Variants in CLTCL1 observed in about 807,000 individuals in gnomAD.
The protein encoded by CLTCL1 is clathrin heavy chain 2.
A neutral mutation model predicts 190.0 loss-of-function variants in CLTCL1; 159 were observed. The observed-to-expected ratio is 0.84, with a 90% CI of 0.74 to 0.95. The LOEUF (loss-of-function observed/expected upper bound fraction) is 0.95, where lower values mean the gene tolerates loss of function less well. Among genes scored for constraint, CLTCL1 ranks in the 40% least tolerant of loss-of-function variants. The pLI is 0.00. For synonymous variants in CLTCL1, 752 were observed against 769.6 expected (o/e 0.98, Z 0.38); for missense variants, 1,878 against 2,033.4 (o/e 0.92, Z 1.47).
chr22:19,286,431 A>G (rs1429836929), intron 1 of CLTCL1, among the ~76,000 whole-genome samples: 1 of 142,612 alleles, frequency 7.0e-6, no homozygotes, highest in African/African-American at 2.5e-5. Context: ...GTATCTTAAA[A>G]TGACATTTTA....
chr22:19,183,805 G>A, intron 29 of CLTCL1, 194 bp from the exon 30 acceptor site: 1 of 608,028 alleles, frequency 1.6e-6, no homozygotes, highest in Non-Finnish European at 2.9e-6. Context: ...GCCACCTCCG[G>A]AGGCTCTGGA....
intron 2 of CLTCL1, among the ~76,000 whole-genome samples, chr22:19,270,429 G>A (rs1312388434): frequency 1.3e-5 from 2 of 151,974 alleles, no homozygotes; most frequent in South Asian, 4.2e-4. Flanking sequence ...AAAAATCACC[G>A]AGAAGGAGTG....
chr22:19,232,512 T>G lies in CLTCL1; in HGVS notation c.1608A>C (p.Leu536=). 6.2e-7 allele frequency: 1 copy of G among 1,614,042 alleles called. No individual in the cohort carries two copies. Among genetic ancestry groups the G allele is most frequent in the Non-Finnish European group, 8.5e-7 (1 of 1,179,882 alleles). The change falls in exon 10 of 33, where the codon CTA becomes CTC. Residue 536 remains leucine (L), a synonymous_variant. Coordinates refer to ENST00000427926, the MANE Select transcript of CLTCL1 (RefSeq NM_007098.4). ...TGGCCAGCGGCTCCTCGTCCTGCAC[T>G]AGCATTCGAGAAAACTGCAGGCCCT... ...PEQGLQFSRM[L]VQDEEPLANI...
intron 9 of CLTCL1, 187 bp from the exon 10 acceptor site, chr22:19,232,785 G>T: frequency 1.2e-6 from 1 of 803,662 alleles, no homozygotes; most frequent in Non-Finnish European, 1.9e-6. Context: ...GTACATGGAA[G>T]GCACAATTAA....
At chr22:19,222,960 T>C (rs1402974916) in intron 14 of CLTCL1, among the ~76,000 whole-genome samples, 151 bp from the exon 15 acceptor site, 1 of 152,230 alleles carries the variant, frequency 6.6e-6, no homozygotes, top group Non-Finnish European at 1.5e-5. Flanking sequence ...GGCTGTCGTT[T>C]TGTGGTATGG....
At chr22:19,223,800 A>G (rs2085650356) in intron 14 of CLTCL1, 91 bp downstream of exon 14, 1 of 1,499,778 alleles carries the variant, frequency 6.7e-7, no homozygotes, top group Non-Finnish European at 9.2e-7. Context: ...AGACAGATCC[A>G]GCTTCCTGCC....
chr22:19,210,214 G>T, intron 20 of CLTCL1, 112 bp downstream of exon 20: 2 of 991,320 alleles, frequency 2.0e-6, no homozygotes, highest in Non-Finnish European at 1.5e-6. Flanking sequence ...ACGAAGAGAT[G>T]CACTGGACAA....
chr22:19,258,827 C>A, intron 2 of CLTCL1: 1 of 642,434 alleles, frequency 1.6e-6, no homozygotes, highest in South Asian at 1.6e-5. Flanking sequence ...GCAGGGTACC[C>A]TTTGGGGAGC....
intron 3 of CLTCL1, among the ~76,000 whole-genome samples, chr22:19,243,656 T>A (rs1555966640): frequency 6.6e-6 from 1 of 150,888 alleles, no homozygotes. Flanking sequence ...AAGACTAATA[T>A]CTTTTATAAA....
intron 2 of CLTCL1, among the ~76,000 whole-genome samples, chr22:19,255,803 G>A (rs918065228): frequency 4.6e-5 from 7 of 151,556 alleles, no homozygotes; most frequent in South Asian, 2.1e-4. Flanking sequence ...CCAGCTACTC[G>A]GGAGGCTGAG....
chr22:19,192,903 T>G (rs2084561349), intron 26 of CLTCL1, among the ~76,000 whole-genome samples: 1 of 152,232 alleles, frequency 6.6e-6, no homozygotes, highest in Non-Finnish European at 1.5e-5. Flanking sequence ...CTAGCACCTG[T>G]CAGCCTTCTA....
rs782666877 is a variant in CLTCL1 at position 19,208,208 on chromosome 22, ACG to A, written c.3544_3545del (p.Arg1182CysfsTer3). The A allele has an allele frequency of 1.9e-6, 3 of 1,613,878 alleles. No individual in the cohort carries two copies. In the South Asian group the frequency reaches 3.3e-5, roughly 18 times the overall value. On this transcript the variant is annotated frameshift_variant, in exon 22 of 33. Transcript: ENST00000427926. LOFTEE classifies it high-confidence loss of function. ...ELIFALAKTS[R>X]VSELEDFING... ...TAATAAAATCTTCTAGCTCAGAAAC[ACG>A]GCTGGTTTTAGCCAAGGCAAAAATA...
At chr22:19,223,860 G>A in intron 14 of CLTCL1, 31 bp downstream of exon 14, 7 of 1,611,808 alleles carry the variant, frequency 4.3e-6, no homozygotes, top group Non-Finnish European at 5.9e-6. Flanking sequence ...AGCAAGGGCA[G>A]CTCATGGAAG....
At chr22:19,258,463 T>C in intron 2 of CLTCL1, 1 of 436,972 alleles carries the variant, frequency 2.3e-6, no homozygotes. Context: ...ATGAGAAATC[T>C]GAAGATCAGC....
chr22:19,183,287 T>C, intron 30 of CLTCL1, 103 bp downstream of exon 30: 1 of 935,716 alleles, frequency 1.1e-6, no homozygotes, highest in South Asian at 1.6e-5. Flanking sequence ...GAATCTGGGT[T>C]GGCCTCAAAG....
Position 19,196,510 on chromosome 22 carries a change from C to G in CLTCL1, c.4020G>C (p.Trp1340Cys). 6.2e-7 allele frequency: 1 copy of G among 1,614,062 alleles called. No homozygotes were observed. The highest frequency in any genetic ancestry group is 8.5e-7 in the Non-Finnish European group (1 of 1,179,908). Residue 1340 changes from tryptophan (W) to cysteine (C), a missense_variant, in exon 25 of 33, where the codon TGG becomes TGC. Coordinates refer to ENST00000427926, the MANE Select transcript of CLTCL1 (RefSeq NM_007098.4). ...QKMLEHLELF[W>C]SRVNIPKVLR... Reference sequence around the variant, plus strand: ...GTACCTTTGGGATGTTGACACGGGACCAGAAAAGCTCCAGATGCTCCAGCA... The same window carrying G: ...GTACCTTTGGGATGTTGACACGGGAGCAGAAAAGCTCCAGATGCTCCAGCA...
rs191598051 is a variant in CLTCL1 at position 19,221,708 on chromosome 22, A to G, written c.2562-97T>C. 9 of 1,156,040 alleles carry G rather than the reference A, an allele frequency of 7.8e-6. No homozygotes were observed. The East Asian group carries it at 2.1e-4, about 26-fold the overall frequency. The allele number at this position is 1,156,040 out of a possible 1,614,324, so 71.6% of individuals were successfully genotyped here. A position where few individuals can be genotyped will look rare whatever the true frequency, so the allele number is the denominator to read the frequency against. The stretch of plus-strand genomic sequence containing the variant: ...TGACAGATGTTTCCTGAAACAAAAA[A>G]TCTCAGAGTCCATTGACTTCAGGTT... On this transcript the variant is annotated intron_variant, in intron 16 of 32. Coordinates refer to ENST00000427926, the MANE Select transcript of CLTCL1 (RefSeq NM_007098.4).
At chr22:19,263,558 C>A (rs1026013055) in intron 2 of CLTCL1, among the ~76,000 whole-genome samples, 3 of 152,078 alleles carry the variant, frequency 2.0e-5, no homozygotes, top group Non-Finnish European at 4.4e-5. Flanking sequence ...GGACTACAGG[C>A]AACCGCCACC....
chr22:19,248,970 C>T (rs1312240799), intron 3 of CLTCL1, among the ~76,000 whole-genome samples: 2 of 152,174 alleles, frequency 1.3e-5, no homozygotes, highest in African/African-American at 4.8e-5. Flanking sequence ...GTCCAGCGCC[C>T]CAAGACCTTG....
Sources: allele counts gnomAD v4.1 joint callset (sites outside exome capture counted in the v4.1 genomes callset), GRCh38; gene constraint gnomAD v4.1.1; transcripts MANE v1.5; gene names NCBI Gene and HGNC (gene_info 2026-07-23, HGNC 2026-07-21).